The following CTNNA2 variants were observed in gnomAD, a reference collection of about 807,000 sequenced individuals.
CTNNA2 encodes catenin alpha-2.
Under a neutral mutation model 101.0 loss-of-function variants are expected in CTNNA2, and 42 were observed. That is an observed-to-expected ratio of 0.42 (90% CI 0.32 to 0.54). The LOEUF (loss-of-function observed/expected upper bound fraction) is 0.54, where lower values mean the gene tolerates loss of function less well. Among genes scored for constraint, CTNNA2 ranks in the 20% least tolerant of loss-of-function variants. The probability of loss-of-function intolerance (pLI) is 0.14; values close to 1 mark genes in which losing one functional copy is unlikely to be tolerated. For missense variants in CTNNA2, 871 were observed against 1,223.1 expected (o/e 0.71, Z 4.29); for synonymous variants, 450 against 456.4 (o/e 0.99, Z 0.18).
chr2:80,039,903 C>T (rs775797422), intron 7 of CTNNA2, among the ~76,000 whole-genome samples: 5 of 152,088 alleles, frequency 3.3e-5, no homozygotes, highest in African/African-American at 1.2e-4. Context: ...TGGGATTTAT[C>T]GCAAACTTAA....
intron 8 of CTNNA2, among the ~76,000 whole-genome samples, chr2:80,411,199 T>C (rs1679537631): frequency 6.6e-6 from 1 of 152,156 alleles, no homozygotes; most frequent in Non-Finnish European, 1.5e-5. Flanking sequence ...TCATTAAGAG[T>C]TATAAGAAAA....
intron 7 of CTNNA2, among the ~76,000 whole-genome samples, chr2:80,323,046 G>A (rs922621883): frequency 1.3e-5 from 2 of 152,188 alleles, no homozygotes; most frequent in African/African-American, 4.8e-5. Flanking sequence ...AGAGAAGTGC[G>A]TGCCCTGTCG....
chr2:79,488,528 A>G (rs1437720457), intron 4 of CTNNA2, among the ~76,000 whole-genome samples: 2 of 152,268 alleles, frequency 1.3e-5, no homozygotes, highest in East Asian at 3.9e-4. Flanking sequence ...GGCATAAACT[A>G]CCAAAATCAA....
At chr2:79,830,666 G>A (rs959213665) in intron 3 of CTNNA2, among the ~76,000 whole-genome samples, 5 of 152,154 alleles carry the variant, frequency 3.3e-5, no homozygotes, top group African/African-American at 1.2e-4. Context: ...TGTCTGACAA[G>A]CTGGTCTAGC....
intron 3 of CTNNA2, among the ~76,000 whole-genome samples, chr2:79,809,864 C>G (rs538440823): frequency 3.9e-5 from 6 of 152,128 alleles, no homozygotes; most frequent in African/African-American, 4.8e-5. Flanking sequence ...TTGCCCATGC[C>G]TACGTCCTGA....
At chr2:80,032,112 A>G (rs1463637867) in intron 7 of CTNNA2, among the ~76,000 whole-genome samples, 2 of 152,196 alleles carry the variant, frequency 1.3e-5, no homozygotes, top group Admixed American at 6.5e-5. Context: ...TTTCATAAGA[A>G]TGTATAAGGA....
chr2:80,398,961 T>G (rs982453270), intron 8 of CTNNA2, among the ~76,000 whole-genome samples: 3 of 151,140 alleles, frequency 2.0e-5, no homozygotes, highest in Non-Finnish European at 4.4e-5. Context: ...TAGGTTGGAG[T>G]GCAATGGTGC....
intron 7 of CTNNA2, among the ~76,000 whole-genome samples, chr2:80,209,590 C>T (rs1285300880): frequency 2.0e-5 from 3 of 151,596 alleles, no homozygotes; most frequent in Non-Finnish European, 4.4e-5. Context: ...CCCACTCATT[C>T]TCATACACAC....
At chr2:79,648,796 G>A (rs545371465) in intron 1 of CTNNA2, among the ~76,000 whole-genome samples, 2 of 152,168 alleles carry the variant, frequency 1.3e-5, no homozygotes, top group African/African-American at 4.8e-5. Context: ...AAGATTATGG[G>A]GTAGAGACAG....
chr2:80,437,463 G>T (rs1017839091), intron 9 of CTNNA2, among the ~76,000 whole-genome samples: 1 of 152,114 alleles, frequency 6.6e-6, no homozygotes, highest in Non-Finnish European at 1.5e-5. Flanking sequence ...TCAAAAAATG[G>T]ATACATTGTC....
intron 9 of CTNNA2, among the ~76,000 whole-genome samples, chr2:80,521,273 C>G (rs1444437549): frequency 1.3e-5 from 2 of 152,160 alleles, no homozygotes; most frequent in Non-Finnish European, 2.9e-5. Context: ...CCTCCTCGTA[C>G]CTGCTATACT....
chr2:80,348,811 C>T (rs1311848910), intron 7 of CTNNA2, among the ~76,000 whole-genome samples: 1 of 151,818 alleles, frequency 6.6e-6, no homozygotes, highest in African/African-American at 2.4e-5. Flanking sequence ...CTGAGGAGCA[C>T]AAGGTATTGA....
intron 7 of CTNNA2, among the ~76,000 whole-genome samples, chr2:80,050,396 C>G (rs1696799891): frequency 6.6e-6 from 1 of 152,172 alleles, no homozygotes; most frequent in South Asian, 2.1e-4. Context: ...TTCCAGCTGA[C>G]CGGTAAATCA....
At chr2:80,315,979 C>T (rs1678084068) in intron 7 of CTNNA2, among the ~76,000 whole-genome samples, 1 of 152,142 alleles carries the variant, frequency 6.6e-6, no homozygotes, top group South Asian at 2.1e-4. Context: ...CTACATTTTT[C>T]CAAGATCTCC....
intron 7 of CTNNA2, among the ~76,000 whole-genome samples, chr2:79,979,811 T>C (rs1459661278): frequency 6.6e-6 from 1 of 152,176 alleles, no homozygotes; most frequent in African/African-American, 2.4e-5. Context: ...TATTTAAATA[T>C]CAATTCCTAG....
intron 4 of CTNNA2, among the ~76,000 whole-genome samples, chr2:79,484,099 G>A (rs1449915468): frequency 1.3e-5 from 2 of 151,938 alleles, no homozygotes; most frequent in African/African-American, 4.8e-5. Flanking sequence ...AAAAATTAAC[G>A]ACATGGTGGC....
chr2:80,447,284 T>G (rs1397228638), intron 9 of CTNNA2, among the ~76,000 whole-genome samples: 1 of 152,176 alleles, frequency 6.6e-6, no homozygotes, highest in African/African-American at 2.4e-5. Context: ...CCATTGCAAA[T>G]CTTTTGGGTA....
intron 3 of CTNNA2, among the ~76,000 whole-genome samples, chr2:79,837,699 T>A (rs1174817738): frequency 6.6e-6 from 1 of 151,992 alleles, no homozygotes; most frequent in Non-Finnish European, 1.5e-5. Context: ...CCCTAGCTCC[T>A]CAAAACATAC....
intron 7 of CTNNA2, among the ~76,000 whole-genome samples, chr2:79,969,789 A>C (rs985521849): frequency 5.9e-5 from 9 of 152,168 alleles, no homozygotes; most frequent in African/African-American, 2.2e-4. Flanking sequence ...GTGTGTGATC[A>C]ATTAAATCGG....
Sources: allele counts gnomAD v4.1 joint callset (sites outside exome capture counted in the v4.1 genomes callset), GRCh38; gene constraint gnomAD v4.1.1; transcripts MANE v1.5; gene names NCBI Gene and HGNC (gene_info 2026-07-23, HGNC 2026-07-21).